Variants in SHC4 observed in about 807,000 individuals in gnomAD.
The protein encoded by SHC4 is SHC adaptor protein 4, also known as SHC-transforming protein 4.
A neutral mutation model predicts 69.4 loss-of-function variants in SHC4; 41 were observed. That is an observed-to-expected ratio of 0.59 (90% CI 0.46 to 0.77). SHC4 has a LOEUF of 0.77. Among genes scored for constraint, SHC4 ranks in the 30% least tolerant of loss-of-function variants. SHC4 has a pLI of 0.00. For missense variants in SHC4, 777 were observed against 783.8 expected (o/e 0.99, Z 0.10); for synonymous variants, 318 against 299.3 (o/e 1.06, Z -0.64).
At chr15:48,905,549 G>A (rs1225142132) in intron 2 of SHC4, among the ~76,000 whole-genome samples, 1 of 152,124 alleles carries the variant, frequency 6.6e-6, no homozygotes, top group Admixed American at 6.5e-5. Flanking sequence ...TAGAAATCCA[G>A]GCTTAAGGAA....
intron 2 of SHC4, among the ~76,000 whole-genome samples, chr15:48,893,475 C>T (rs1234937998): frequency 6.6e-6 from 1 of 152,190 alleles, no homozygotes; most frequent in East Asian, 1.9e-4. Flanking sequence ...GTGAGCATGG[C>T]TGTGTTCCAA....
chr15:48,918,024 G>GTATC, intron 2 of SHC4, among the ~76,000 whole-genome samples: 1 of 152,276 alleles, frequency 6.6e-6, no homozygotes, highest in African/African-American at 2.4e-5. Flanking sequence ...CCAGTTGTTT[G>GTATC]TATCTGTAGC....
chr15:48,942,985 G>T (rs909195081), intron 1 of SHC4, among the ~76,000 whole-genome samples: 22 of 152,172 alleles, frequency 1.4e-4, no homozygotes, highest in African/African-American at 5.1e-4. Flanking sequence ...TCTGCTGATA[G>T]CATCACTTCC....
chr15:48,884,170 A>T, intron 4 of SHC4, 78 bp downstream of exon 4: 1 of 1,453,698 alleles, frequency 6.9e-7, no homozygotes, highest in Non-Finnish European at 9.1e-7. Flanking sequence ...TCTGTCTAAA[A>T]CTTTATTCTT....
At chr15:48,857,181 G>T (rs1476959315) in intron 7 of SHC4, among the ~76,000 whole-genome samples, 1 of 152,112 alleles carries the variant, frequency 6.6e-6, no homozygotes, top group Non-Finnish European at 1.5e-5. Flanking sequence ...CCAAATCCTT[G>T]GGTCCCACCG....
intron 2 of SHC4, among the ~76,000 whole-genome samples, chr15:48,920,237 G>A (rs1256361561): frequency 1.3e-5 from 2 of 151,388 alleles, no homozygotes; most frequent in Non-Finnish European, 2.9e-5. Context: ...TAGCCAGGAT[G>A]GTCTCGATCT....
chr15:48,917,463 C>T lies in SHC4; in HGVS notation c.656+7416G>A, dbSNP rs147459455. ...CCCTTGTTTCCTTTGGATACAGTTC[C>T]GGACATTTTAAAGACAACTGCGGCT... On this transcript the variant is annotated intron_variant, in intron 2 of 11. Transcript: ENST00000332408. 5.3e-3 allele frequency among the ~76,000 whole-genome samples: 813 copies of T among 152,130 alleles called. 7 individuals are homozygous for T. The highest frequency in any genetic ancestry group is 0.019 in the African/African-American group (794 of 41,490).
intron 4 of SHC4, among the ~76,000 whole-genome samples, chr15:48,880,563 A>G (rs945661474): frequency 1.3e-5 from 2 of 151,706 alleles, no homozygotes; most frequent in African/African-American, 4.8e-5. Context: ...TCCACAAACT[A>G]GAAGGTTGTG....
At chr15:48,907,114 A>G (rs534779786) in intron 2 of SHC4, among the ~76,000 whole-genome samples, 6 of 152,266 alleles carry the variant, frequency 3.9e-5, no homozygotes, top group African/African-American at 1.4e-4. Context: ...TTTACTTTTC[A>G]TAATCAGAAA....
At chr15:48,925,427 T>C (rs1435982721) in intron 1 of SHC4, among the ~76,000 whole-genome samples, 3 of 152,098 alleles carry the variant, frequency 2.0e-5, no homozygotes, top group Non-Finnish European at 4.4e-5. Flanking sequence ...GCCTAAATAG[T>C]AGAGGAAGCA....
chr15:48,826,712 G>C (rs957947539), intron 11 of SHC4, among the ~76,000 whole-genome samples: 3 of 152,152 alleles, frequency 2.0e-5, no homozygotes, highest in Non-Finnish European at 4.4e-5. Context: ...TAACTGGTTT[G>C]TATACAAGCA....
At chr15:48,905,769 C>A (rs142838297) in intron 2 of SHC4, among the ~76,000 whole-genome samples, 3 of 152,304 alleles carry the variant, frequency 2.0e-5, no homozygotes, top group African/African-American at 7.2e-5. Flanking sequence ...CTATTACCAT[C>A]TATATTTCAA....
At chr15:48,928,324 C>T (rs574115645) in intron 1 of SHC4, among the ~76,000 whole-genome samples, 6 of 152,066 alleles carry the variant, frequency 3.9e-5, no homozygotes, top group African/African-American at 9.7e-5. Context: ...ACTTCTCAGG[C>T]GGGCTATAAG....
In SHC4 at chr15:48,856,087, C is replaced by T; in HGVS notation, c.1108G>A (p.Glu370Lys). Residue 370 changes from glutamate to lysine, a missense_variant, in exon 8 of 12, where the codon GAA becomes AAA. Glu to Lys is a moderately conservative substitution (Grantham distance 56). Coordinates refer to ENST00000332408, the MANE Select transcript of SHC4 (RefSeq NM_203349.4). Reference protein sequence around the residue: ...VHIDSHAEEREDHEYYNEIPG... With the variant: ...VHIDSHAEERKDHEYYNEIPG... ...ATTTCATTGTAATATTCATGATCTT[C>T]TCTCTCCTCGGCATGGCTATCAATA... 6.2e-7 allele frequency: 1 copy of T among 1,613,726 alleles called. No homozygotes were observed. Among genetic ancestry groups the T allele is most frequent in the Non-Finnish European group, 8.5e-7 (1 of 1,179,782 alleles).
At chr15:48,844,966 T>C (rs1246667220) in intron 9 of SHC4, among the ~76,000 whole-genome samples, 2 of 152,182 alleles carry the variant, frequency 1.3e-5, no homozygotes, top group African/African-American at 4.8e-5. Flanking sequence ...CATGAGAACA[T>C]ATGAATACAA....
intron 1 of SHC4, among the ~76,000 whole-genome samples, chr15:48,941,659 T>C (rs1350252295): frequency 2.6e-5 from 4 of 152,180 alleles, no homozygotes; most frequent in Non-Finnish European, 5.9e-5. Flanking sequence ...TAATTATGAA[T>C]CAGATTCTCT....
chr15:48,884,287 T>C lies in SHC4; in HGVS notation c.801A>G (p.Ser267=), dbSNP rs941154015. ...GATTCATCAATGTGAGACTGCATGT[T>C]GAGATGGTCAGTTTTATATTCATTC... The part of the protein sequence containing the change: ...FSGMNIKLTI[S]TCSLTLMNLD... The change falls in exon 4 of 12, where the codon TCA becomes TCG. Residue 267 remains serine (S), a synonymous_variant. Transcript: ENST00000332408. The C allele has an allele frequency of 2.5e-6, 4 of 1,610,780 alleles. No homozygotes were observed. The African/African-American group carries it at 5.3e-5, about 22-fold the overall frequency.
At chr15:48,898,940 C>T (rs973896846) in intron 2 of SHC4, among the ~76,000 whole-genome samples, 1 of 150,508 alleles carries the variant, frequency 6.6e-6, no homozygotes, top group Admixed American at 6.7e-5. Context: ...TTTAAAACAA[C>T]TTTGTTTTTG....
chr15:48,867,742 T>A, intron 6 of SHC4, 76 bp downstream of exon 6: 1 of 1,240,702 alleles, frequency 8.1e-7, no homozygotes, highest in Non-Finnish European at 1.2e-6. Context: ...CTCTGTACAT[T>A]GAAAATAACT....
Sources: gnomAD v4.1 joint callset for allele counts (sites outside exome capture counted in the v4.1 genomes callset) on GRCh38, gnomAD v4.1.1 for gene constraint, MANE v1.5 for transcripts, NCBI Gene and HGNC (gene_info 2026-07-23, HGNC 2026-07-21) for gene names.